Variants in GABRG3 observed in about 807,000 individuals in gnomAD.
GABRG3 encodes gamma-aminobutyric acid receptor subunit gamma-3.
Under a neutral mutation model 48.8 loss-of-function variants are expected in GABRG3, and 25 were observed. The ratio of observed to expected loss-of-function variants is 0.51; its 90% CI spans 0.37 to 0.72. The LOEUF (loss-of-function observed/expected upper bound fraction) is 0.72, where lower values mean the gene tolerates loss of function less well. Ranked by LOEUF, GABRG3 falls within the 30% of genes least tolerant of loss-of-function variation. GABRG3 has a pLI of 0.00. For missense variants in GABRG3, 394 were observed against 577.9 expected (o/e 0.68, Z 3.26); for synonymous variants, 227 against 217.6 (o/e 1.04, Z -0.38).
intron 3 of GABRG3, among the ~76,000 whole-genome samples, chr15:27,308,527 T>C (rs982444040): frequency 2.7e-5 from 4 of 147,630 alleles, no homozygotes; most frequent in Admixed American, 6.8e-5. Context: ...AACATACATG[T>C]TTATATAAAC....
intron 6 of GABRG3, among the ~76,000 whole-genome samples, chr15:27,503,085 G>C (rs1232075293): frequency 6.6e-6 from 1 of 152,150 alleles, no homozygotes; most frequent in Non-Finnish European, 1.5e-5. Context: ...TGGGGAGTGA[G>C]GCTGAAAGTC....
At chr15:27,208,802 G>A (rs1206971239) in intron 3 of GABRG3, among the ~76,000 whole-genome samples, 1 of 152,204 alleles carries the variant, frequency 6.6e-6, no homozygotes, top group African/African-American at 2.4e-5. Flanking sequence ...GTGCTGCTGA[G>A]AGCCAGAAAT....
intron 3 of GABRG3, among the ~76,000 whole-genome samples, chr15:27,119,073 C>T (rs1435628492): frequency 1.3e-5 from 2 of 152,168 alleles, no homozygotes; most frequent in South Asian, 4.1e-4. Context: ...CAGCGGTATT[C>T]TCCCTGTACC....
rs964107170 is a variant in GABRG3 at position 27,536,022 on chromosome 15, A to C, written c.*3141A>C. ...AAGTTGTCTGAGTGATCTGCATTCC[A>C]AAGGTGCTACTGTGTTCCTCACTTT... On this transcript the variant is annotated 3_prime_UTR_variant, in exon 10 of 10. Coordinates refer to ENST00000615808, the MANE Select transcript of GABRG3 (RefSeq NM_033223.5). 1 of 152,278 alleles carries C rather than the reference A, an allele frequency of 6.6e-6. No homozygotes were observed. The highest frequency in any genetic ancestry group is 2.4e-5 in the African/African-American group (1 of 41,470). The allele number at this position is 152,278 out of a possible 1,614,324, so 9.4% of individuals were successfully genotyped here.
At position 27,266,274 on chromosome 15, in the gene GABRG3, A is replaced by G. The variant is rs150184855; in HGVS notation, c.271-60535A>G. Reference sequence around the variant, plus strand: ...TATTTGTATGCAATATGAAGTATGGATTGGAATTCTTTTTTTTTCTGCTTA... The same window carrying G: ...TATTTGTATGCAATATGAAGTATGGGTTGGAATTCTTTTTTTTTCTGCTTA... On this transcript the variant is annotated intron_variant, in intron 3 of 9. Transcript: ENST00000615808. Among the ~76,000 whole-genome samples the G allele has an allele frequency of 6.5e-3, 725 of 111,436 alleles. 10 individuals are homozygous for G. Among genetic ancestry groups the G allele is most frequent in the African/African-American group, 0.022 (687 of 31,856 alleles). The allele number at this position is 111,436 out of a possible 152,430, so 73.1% of individuals were successfully genotyped here.
In GABRG3 at chr15:26,977,536, A is replaced by AT. The variant is rs775405981; in HGVS notation, c.202+393dup. On this transcript the variant is annotated intron_variant, in intron 2 of 9. Transcript: ENST00000615808. Reference sequence around the variant, plus strand: ...TCAATTTGTTATTTTATTTTTATTTATTTTTTTGTCATTTTGAGAATGTCA... The same window carrying AT: ...TCAATTTGTTATTTTATTTTTATTTATTTTTTTTGTCATTTTGAGAATGTCA... Among the ~76,000 whole-genome samples the AT allele has an allele frequency of 5.3e-5, 8 of 151,938 alleles. No homozygotes were observed. The South Asian group carries it at 6.2e-4, about 12-fold the overall frequency.
At chr15:27,467,325 C>T (rs1889644676) in intron 5 of GABRG3, among the ~76,000 whole-genome samples, 1 of 152,240 alleles carries the variant, frequency 6.6e-6, no homozygotes, top group Non-Finnish European at 1.5e-5. Context: ...GGGATTAGGA[C>T]TTCAACGTAT....
chr15:27,026,955 T>C (rs767326638), intron 3 of GABRG3, 134 bp downstream of exon 3: 134 of 525,484 alleles, frequency 2.6e-4, no homozygotes, highest in Non-Finnish European at 4.0e-4. Flanking sequence ...GTAACACTTA[T>C]TGGAATATTG....
In GABRG3 at chr15:27,537,054, A is replaced by G. The variant is rs1891561994; in HGVS notation, c.*4173A>G. ...CTTGGAATTCACTCCATGATCTTGCAACTCTTTTTGAGTGCTTTTCCTGAG... is the reference window on the plus strand; with the variant it reads ...CTTGGAATTCACTCCATGATCTTGCGACTCTTTTTGAGTGCTTTTCCTGAG... On this transcript the variant is annotated 3_prime_UTR_variant, in exon 10 of 10. Transcript: ENST00000615808. The G allele has an allele frequency of 6.6e-6, 1 of 151,652 alleles. No homozygotes were observed. The highest frequency in any genetic ancestry group is 1.5e-5 in the Non-Finnish European group (1 of 67,996). 9.4% of individuals were successfully genotyped at this position (151,652 alleles called of 1,614,324 possible). A position where few individuals can be genotyped will look rare whatever the true frequency, so the allele number is the denominator to read the frequency against.
intron 5 of GABRG3, among the ~76,000 whole-genome samples, chr15:27,443,979 G>A (rs1888867133): frequency 6.6e-6 from 1 of 152,000 alleles, no homozygotes; most frequent in Admixed American, 6.6e-5. Context: ...TAATTTCCTG[G>A]GGTAATCATT....
At position 27,535,308 on chromosome 15, in the gene GABRG3, A is replaced by G. The variant is rs1024410052; in HGVS notation, c.*2427A>G. 2.6e-5 allele frequency: 4 copies of G among 152,238 alleles called. No homozygotes were observed. The highest frequency in any genetic ancestry group is 5.9e-5 in the Non-Finnish European group (4 of 68,034). The allele number at this position is 152,238 out of a possible 1,614,324, so 9.4% of individuals were successfully genotyped here. A position where few individuals can be genotyped will look rare whatever the true frequency, so the allele number is the denominator to read the frequency against. ...AAATAACCTAAAACAACTTTTTATA[A>G]CATGGATTTGTTTGATTTTACCTTA... is the stretch of plus-strand genomic sequence containing the variant. On this transcript the variant is annotated 3_prime_UTR_variant, in exon 10 of 10. Coordinates refer to ENST00000615808, the MANE Select transcript of GABRG3 (RefSeq NM_033223.5).
chr15:27,211,965 G>C (rs117822959), intron 3 of GABRG3, among the ~76,000 whole-genome samples: 238 of 152,326 alleles, frequency 1.6e-3, no homozygotes, highest in Non-Finnish European at 2.7e-3. Flanking sequence ...TCATCTGTAA[G>C]AGCCTGGAGG....
intron 6 of GABRG3, among the ~76,000 whole-genome samples, chr15:27,507,365 G>T (rs903468343): frequency 6.6e-6 from 1 of 152,038 alleles, no homozygotes; most frequent in African/African-American, 2.4e-5. Context: ...TTAGCCAGGC[G>T]TGGTGGTGTG....
chr15:27,007,717 G>A (rs913785225), intron 2 of GABRG3, among the ~76,000 whole-genome samples: 1 of 152,148 alleles, frequency 6.6e-6, no homozygotes, highest in African/African-American at 2.4e-5. Flanking sequence ...CTTTTGAGAA[G>A]TGTTTGTTTC....
intron 5 of GABRG3, among the ~76,000 whole-genome samples, chr15:27,392,714 G>A (rs1887174279): frequency 6.6e-6 from 1 of 152,118 alleles, no homozygotes; most frequent in African/African-American, 2.4e-5. Flanking sequence ...ATTCTGAAAG[G>A]TAAATTTGTC....
At chr15:27,436,913 T>C (rs1226522941) in intron 5 of GABRG3, among the ~76,000 whole-genome samples, 1 of 151,236 alleles carries the variant, frequency 6.6e-6, no homozygotes, top group African/African-American at 2.4e-5. Context: ...GGAGGATTGC[T>C]TGAGTCCAGG....
At chr15:27,022,270 G>A (rs868027252) in intron 2 of GABRG3, among the ~76,000 whole-genome samples, 15 of 152,170 alleles carry the variant, frequency 9.9e-5, no homozygotes, top group South Asian at 8.3e-4. Context: ...AAAGTTAGGA[G>A]AACATCTAGA....
chr15:27,143,653 G>A (rs1255805545), intron 3 of GABRG3, among the ~76,000 whole-genome samples: 2 of 152,168 alleles, frequency 1.3e-5, no homozygotes, highest in Admixed American at 6.5e-5. Flanking sequence ...CCTTTCTATA[G>A]ACTTGAAAAG....
At chr15:27,194,138 A>G (rs772317316) in intron 3 of GABRG3, among the ~76,000 whole-genome samples, 9 of 152,218 alleles carry the variant, frequency 5.9e-5, no homozygotes, top group South Asian at 4.1e-4. Context: ...AACAGTCTCA[A>G]TGTTTTACCA....
Sources: allele counts gnomAD v4.1 joint callset (sites outside exome capture counted in the v4.1 genomes callset), GRCh38; gene constraint gnomAD v4.1.1; transcripts MANE v1.5; gene names NCBI Gene and HGNC (gene_info 2026-07-23, HGNC 2026-07-21).